Variants in DNAH11 observed in about 807,000 individuals in gnomAD.
DNAH11 encodes the protein dynein axonemal heavy chain 11.
DNAH11 carries 442 observed loss-of-function variants against 526.0 expected under a neutral mutation model. The observed-to-expected ratio is 0.84, with a 90% CI of 0.78 to 0.91. The LOEUF is 0.91. Ranked by LOEUF, DNAH11 falls within the 40% of genes least tolerant of loss-of-function variation. DNAH11 has a pLI of 0.00. For missense variants in DNAH11, 6,989 were observed against 5,448.7 expected, an observed-to-expected ratio of 1.28 and a Z score of -8.90; for synonymous variants, 2,461 against 1,935.9, an observed-to-expected ratio of 1.27 and a Z score of -7.12.
At position 21,867,903 on chromosome 7, in the gene DNAH11, C is replaced by G. The variant is rs372135937; in HGVS notation, c.11735C>G (p.Thr3912Ser). ...EKLGAKYVERTRLDLVKAFEE... is the reference protein window; with the variant it reads ...EKLGAKYVERSRLDLVKAFEE... ...CTGGGTGCGAAGTATGTGGAGAGGACCAGATTGGACTTAGTTAAAGCATTC... is the reference window on the plus strand; with the variant it reads ...CTGGGTGCGAAGTATGTGGAGAGGAGCAGATTGGACTTAGTTAAAGCATTC... The change falls in exon 72 of 82, where the codon ACC (threonine) becomes AGC (serine). Residue 3912 changes from threonine (T) to serine (S), a missense_variant. Thr to Ser is a moderately conservative substitution (Grantham distance 58, BLOSUM62 1). Transcript: ENST00000409508. The G allele has an allele frequency of 5.7e-6, 9 of 1,581,276 alleles. No homozygotes were observed. Among genetic ancestry groups the G allele is most frequent in the Non-Finnish European group, 7.7e-6 (9 of 1,162,384 alleles).
At position 21,877,251 on chromosome 7, in the gene DNAH11, C is replaced by T. The variant is rs563845767; in HGVS notation, c.12196-3451C>T. Reference sequence around the variant, plus strand: ...TTTTTTCTTTTTTTTGCTCTGTCACCCAGGCTGAAGTGCAGCAGCACACTT... The same window carrying T: ...TTTTTTCTTTTTTTTGCTCTGTCACTCAGGCTGAAGTGCAGCAGCACACTT... On this transcript the variant is annotated intron_variant, in intron 74 of 81. Coordinates refer to ENST00000409508, the MANE Select transcript of DNAH11 (RefSeq NM_001277115.2). Among the ~76,000 whole-genome samples, 54 of 152,146 alleles carry T rather than the reference C, an allele frequency of 3.5e-4. 1 individual carries two copies. The South Asian group carries it at 0.011, about 30-fold the overall frequency.
intron 45 of DNAH11, among the ~76,000 whole-genome samples, chr7:21,728,547 C>T (rs924984446): frequency 6.6e-6 from 1 of 152,136 alleles, no homozygotes; most frequent in Admixed American, 6.5e-5. Context: ...GCATGAGCCG[C>T]CACGCCCGGC....
chr7:21,693,268 G>A (rs1277389623), intron 35 of DNAH11, among the ~76,000 whole-genome samples: 1 of 152,150 alleles, frequency 6.6e-6, no homozygotes, highest in African/African-American at 2.4e-5. Context: ...GAACTATATT[G>A]ATTGATTTTC....
intron 25 of DNAH11, among the ~76,000 whole-genome samples, chr7:21,631,669 C>T (rs936227355): frequency 9.9e-5 from 15 of 152,210 alleles, no homozygotes; most frequent in African/African-American, 2.9e-4. Context: ...ATCCAGGTCA[C>T]GCTGATGCAA....
chr7:21,849,979 C>CA (rs1782561215), intron 66 of DNAH11, among the ~76,000 whole-genome samples: 3 of 142,574 alleles, frequency 2.1e-5, no homozygotes. Flanking sequence ...AATTTTTATT[C>CA]TTTTTTTTTT....
chr7:21,680,748 G>C (rs1020379699), intron 30 of DNAH11, among the ~76,000 whole-genome samples: 1 of 152,112 alleles, frequency 6.6e-6, no homozygotes, highest in African/African-American at 2.4e-5. Context: ...TAAGAATAAA[G>C]GAGGATATTC....
rs1254268662 is a variant in DNAH11, at chr7:21,818,426, T to C, written c.10691+87T>C. The C allele has an allele frequency of 4.9e-6, 7 of 1,432,038 alleles. No individual in the cohort carries two copies. In the South Asian group the frequency reaches 6.6e-5, roughly 14 times the overall value. The allele number at this position is 1,432,038 out of a possible 1,614,324, so 88.7% of individuals were successfully genotyped here. The stretch of plus-strand genomic sequence containing the variant: ...CTTAGCTTCATAGTCAAGCAGTCTA[T>C]TGAAATCTTAGTGATATTTCTGAGT... On this transcript the variant is annotated intron_variant, in intron 65 of 81. Transcript: ENST00000409508.
chr7:21,571,297 T>C (rs1399777978), intron 7 of DNAH11, among the ~76,000 whole-genome samples: 1 of 152,182 alleles, frequency 6.6e-6, no homozygotes. Context: ...TTCTTTTTTT[T>C]AGAGACAGGG....
intron 46 of DNAH11, among the ~76,000 whole-genome samples, chr7:21,737,650 A>G (rs1427315746): frequency 1.8e-4 from 27 of 152,218 alleles, no homozygotes; most frequent in Admixed American, 1.8e-3. Context: ...TATGGAAATG[A>G]CATGAAGTAC....
intron 41 of DNAH11, 31 bp from the exon 42 acceptor site, chr7:21,711,681 C>T (rs772365513): frequency 1.6e-5 from 25 of 1,599,476 alleles, no homozygotes; most frequent in Non-Finnish European, 1.9e-5. Context: ...ATTGCTTTTG[C>T]CCATGGGTGA....
At chr7:21,566,573 G>C (rs182867811) in intron 6 of DNAH11, among the ~76,000 whole-genome samples, 1 of 149,656 alleles carries the variant, frequency 6.7e-6, no homozygotes, top group Non-Finnish European at 1.5e-5. Flanking sequence ...ACACTATGAC[G>C]TAGGTATTAT....
intron 25 of DNAH11, among the ~76,000 whole-genome samples, chr7:21,620,384 C>T (rs1208068415): frequency 6.6e-6 from 1 of 152,020 alleles, no homozygotes; most frequent in Admixed American, 6.6e-5. Context: ...GCTCCTCTTG[C>T]CCCCTCCCCC....
At chr7:21,855,061 T>A (rs578235173) in intron 68 of DNAH11, among the ~76,000 whole-genome samples, 1 of 138,050 alleles carries the variant, frequency 7.2e-6, no homozygotes, top group East Asian at 2.2e-4. Context: ...GGATGGAGTC[T>A]CCCTCTGTCG....
At chr7:21,779,146 G>A (rs1428010125) in intron 57 of DNAH11, 42 bp downstream of exon 57, 2 of 1,574,584 alleles carry the variant, frequency 1.3e-6, no homozygotes, top group Admixed American at 1.7e-5. Context: ...GCTATATTTA[G>A]CACAAAATAA....
intron 27 of DNAH11, among the ~76,000 whole-genome samples, chr7:21,638,328 T>C (rs1028019873): frequency 6.6e-6 from 1 of 152,160 alleles, no homozygotes; most frequent in Non-Finnish European, 1.5e-5. Flanking sequence ...TTTTATAGTC[T>C]GAAAGTTTTT....
chr7:21,568,513 C>CT lies in DNAH11; in HGVS notation c.1195-1551dup, dbSNP rs763499749. Among the ~76,000 whole-genome samples, 3 of 152,256 alleles carry CT rather than the reference C, an allele frequency of 2.0e-5. No individual in the cohort carries two copies. The East Asian group carries it at 5.8e-4, about 29-fold the overall frequency. ...CAGCCAGCCCCTGCGTCGGGTCATG[C>CT]TTTTTCCTTCACACGTTCTGCCTCC... On this transcript the variant is annotated intron_variant, in intron 6 of 81. Transcript: ENST00000409508.
At chr7:21,766,752 A>C (rs888121873) in intron 55 of DNAH11, among the ~76,000 whole-genome samples, 1 of 150,988 alleles carries the variant, frequency 6.6e-6, no homozygotes, top group African/African-American at 2.4e-5. Flanking sequence ...TACACATGCA[A>C]GTATTCACCA....
At chr7:21,749,938 C>A in intron 53 of DNAH11, 137 bp downstream of exon 53, 1 of 1,355,320 alleles carries the variant, frequency 7.4e-7, no homozygotes, top group Non-Finnish European at 1.0e-6. Flanking sequence ...ATAAACCTAA[C>A]TAATTTGAGG....
At chr7:21,841,264 C>T (rs1782192463) in intron 65 of DNAH11, among the ~76,000 whole-genome samples, 2 of 152,008 alleles carry the variant, frequency 1.3e-5, no homozygotes, top group South Asian at 4.1e-4. Flanking sequence ...ATTTAAGATA[C>T]ATAAGTATAT....
Sources: gnomAD v4.1 joint callset for allele counts (sites outside exome capture counted in the v4.1 genomes callset) on GRCh38, gnomAD v4.1.1 for gene constraint, MANE v1.5 for transcripts, NCBI Gene and HGNC (gene_info 2026-07-23, HGNC 2026-07-21) for gene names.